The following DIP2C variants were observed in gnomAD, a reference collection of about 807,000 sequenced individuals.
DIP2C encodes the protein DIP2 acetate--CoA ligase C (putative).
A neutral mutation model predicts 192.4 loss-of-function variants in DIP2C; 33 were observed. The ratio of observed to expected loss-of-function variants is 0.17; its 90% CI spans 0.13 to 0.23. The LOEUF (loss-of-function observed/expected upper bound fraction) is 0.23. DIP2C is among the 10% of genes least tolerant of loss of function. The probability of loss-of-function intolerance (pLI) is 1.00; values close to 1 mark genes in which losing one functional copy is unlikely to be tolerated. For synonymous variants in DIP2C, 979 were observed against 864.1 expected, an observed-to-expected ratio of 1.13 and a Z score of -2.33; for missense variants, 1,537 against 2,110.1, an observed-to-expected ratio of 0.73 and a Z score of 5.32.
In DIP2C at chr10:310,141, T is replaced by C. The variant is rs754938192; in HGVS notation, c.3925-49A>G. ...AACTCAAGTTTACATGGAGGGAGAT[T>C]GGGGTCTGTGCTTCTACTAGTTAGG... On this transcript the variant is annotated intron_variant, in intron 31 of 36. Transcript: ENST00000280886. 8 of 1,528,086 alleles carry C rather than the reference T, an allele frequency of 5.2e-6. No homozygotes were observed. The South Asian group carries it at 9.0e-5, about 17-fold the overall frequency. The allele number at this position is 1,528,086 out of a possible 1,614,324, so 94.7% of individuals were successfully genotyped here. A position where few individuals can be genotyped will look rare whatever the true frequency, so the allele number is the denominator to read the frequency against.
At chr10:580,746 CTG>C (rs997874093) in intron 1 of DIP2C, among the ~76,000 whole-genome samples, 2 of 151,998 alleles carry the variant, frequency 1.3e-5, no homozygotes, top group Admixed American at 1.3e-4. Flanking sequence ...TTTTTCCAAA[CTG>C]TAATAGAAGT....
chr10:388,019 G>A (rs891816683), intron 13 of DIP2C, among the ~76,000 whole-genome samples: 6 of 152,204 alleles, frequency 3.9e-5, no homozygotes, highest in Non-Finnish European at 1.5e-5. Flanking sequence ...CCTGACACAT[G>A]AGTGAGCAGC....
At chr10:396,157 G>T (rs565630712) in intron 10 of DIP2C, among the ~76,000 whole-genome samples, 1 of 152,168 alleles carries the variant, frequency 6.6e-6, no homozygotes, top group Non-Finnish European at 1.5e-5. Flanking sequence ...CAAAACGTAC[G>T]GTTTATGTCT....
intron 1 of DIP2C, among the ~76,000 whole-genome samples, chr10:607,075 C>CCCAGCACGG (rs1336900634): frequency 1.4e-4 from 21 of 151,958 alleles, no homozygotes; most frequent in Middle Eastern, 6.8e-3. Flanking sequence ...CATGCCTGGG[C>CCCAGCACGG]CCAGCACGGC....
chr10:502,182 A>T (rs1845283131), intron 1 of DIP2C, among the ~76,000 whole-genome samples: 1 of 152,126 alleles, frequency 6.6e-6, no homozygotes, highest in Admixed American at 6.5e-5. Flanking sequence ...TTACAACACC[A>T]ATATACCATG....
chr10:503,175 C>A (rs1395953071), intron 1 of DIP2C, among the ~76,000 whole-genome samples: 1 of 150,606 alleles, frequency 6.6e-6, no homozygotes, highest in Non-Finnish European at 1.5e-5. Flanking sequence ...CGCCAGGATG[C>A]CTACCTGCAG....
At chr10:612,007 TA>T (rs1853129551) in intron 1 of DIP2C, among the ~76,000 whole-genome samples, 1 of 151,958 alleles carries the variant, frequency 6.6e-6, no homozygotes, top group East Asian at 1.9e-4. Flanking sequence ...AAATCAAGAA[TA>T]ACCCAGGACG....
chr10:685,153 A>T (rs1564340947), intron 1 of DIP2C, among the ~76,000 whole-genome samples: 34 of 51,520 alleles, frequency 6.6e-4, no homozygotes, highest in African/African-American at 2.9e-3. Context: ...AAAAAAAAAA[A>T]AAAAAAAAAT....
chr10:528,811 C>G (rs1847209963), intron 1 of DIP2C, among the ~76,000 whole-genome samples: 1 of 152,170 alleles, frequency 6.6e-6, no homozygotes, highest in Admixed American at 6.5e-5. Context: ...AAGCCAACCT[C>G]AAGCAGTTAC....
intron 3 of DIP2C, among the ~76,000 whole-genome samples, chr10:468,348 A>C (rs1455014525): frequency 1.3e-5 from 2 of 152,160 alleles, no homozygotes; most frequent in East Asian, 3.8e-4. Flanking sequence ...GGCTGCCATG[A>C]CACATAAAGG....
chr10:490,469 G>T (rs372999364), intron 1 of DIP2C, among the ~76,000 whole-genome samples: 1 of 152,314 alleles, frequency 6.6e-6, no homozygotes, highest in East Asian at 1.9e-4. Flanking sequence ...GGAAGCGATG[G>T]GAACGTCATC....
rs577075151 is a variant in DIP2C, at chr10:517,102, C to T, written c.86-30572G>A. Among the ~76,000 whole-genome samples the T allele has an allele frequency of 5.3e-5, 8 of 152,018 alleles. No individual in the cohort carries two copies. The East Asian group carries it at 5.8e-4, about 11-fold the overall frequency. On this transcript the variant is annotated intron_variant, in intron 1 of 36. Coordinates refer to ENST00000280886, the MANE Select transcript of DIP2C (RefSeq NM_014974.3). ...AACGTTGACAGACTCCATGGAAACA[C>T]GGACTTGGCCCCTCCATCCCACCAG...
intron 3 of DIP2C, among the ~76,000 whole-genome samples, chr10:444,062 T>C (rs1339419020): frequency 5.9e-5 from 9 of 152,238 alleles, no homozygotes; most frequent in Non-Finnish European, 5.9e-5. Flanking sequence ...TGTTCATTCA[T>C]GAGGCGTGTT....
chr10:283,176 T>C, intron 35 of DIP2C, 96 bp downstream of exon 35: 1 of 1,490,526 alleles, frequency 6.7e-7, no homozygotes, highest in East Asian at 2.3e-5. Flanking sequence ...CCTCCTGGCT[T>C]TGGCTGCTGT....
intron 1 of DIP2C, among the ~76,000 whole-genome samples, chr10:600,549 G>A (rs913606234): frequency 2.0e-5 from 3 of 152,030 alleles, no homozygotes; most frequent in African/African-American, 2.4e-5. Flanking sequence ...TAAAGAGGAC[G>A]GCCCAGGGTG....
chr10:370,143 A>T (rs1960790750), intron 17 of DIP2C: 1 of 710,998 alleles, frequency 1.4e-6, no homozygotes, highest in Non-Finnish European at 1.7e-6. Flanking sequence ...GCCCAATTTT[A>T]TAAGAATCTA....
chr10:514,474 C>T (rs752312662), intron 1 of DIP2C, among the ~76,000 whole-genome samples: 15 of 152,320 alleles, frequency 9.8e-5, no homozygotes, highest in African/African-American at 1.7e-4. Flanking sequence ...CCTGCAGGGC[C>T]GTTCGCAATG....
At chr10:675,615 A>C (rs924160718) in intron 1 of DIP2C, among the ~76,000 whole-genome samples, 1 of 152,206 alleles carries the variant, frequency 6.6e-6, no homozygotes, top group African/African-American at 2.4e-5. Context: ...CAGAAATACA[A>C]GGGCTCACTG....
chr10:509,569 CTG>C (rs914252546), intron 1 of DIP2C, among the ~76,000 whole-genome samples: 11 of 152,208 alleles, frequency 7.2e-5, no homozygotes, highest in African/African-American at 1.7e-4. Flanking sequence ...CTCAGGGACT[CTG>C]TGCGGTAAGG....
Sources: allele counts gnomAD v4.1 joint callset (sites outside exome capture counted in the v4.1 genomes callset), GRCh38; gene constraint gnomAD v4.1.1; transcripts MANE v1.5; gene names NCBI Gene and HGNC (gene_info 2026-07-23, HGNC 2026-07-21).